TMEM59: variants seen among roughly 807,000 people sequenced by gnomAD.
TMEM59 encodes the protein dendritic cell factor 1.
In TMEM59, 44 loss-of-function variants were observed where a neutral mutation model predicts 42.2. That is an observed-to-expected ratio of 1.04 (90% CI 0.82 to 1.34). The LOEUF (loss-of-function observed/expected upper bound fraction) is 1.34. Ranked by LOEUF, TMEM59 falls within the 40% of genes most tolerant of loss-of-function variation. TMEM59 has a pLI of 0.00. For missense variants in TMEM59, 359 were observed against 382.8 expected (o/e 0.94, Z 0.52); for synonymous variants, 148 against 145.8 (o/e 1.02, Z -0.11).
chr1:54,047,156 G>C, intron 2 of TMEM59, 111 bp downstream of exon 2: 1 of 799,374 alleles, frequency 1.3e-6, no homozygotes, highest in Non-Finnish European at 1.9e-6. Context: ...CAATATGTTA[G>C]ATGACTAGTT....
chr1:54,034,312 T>G (rs961129376), intron 7 of TMEM59: 1 of 152,082 alleles, frequency 6.6e-6, no homozygotes, highest in Non-Finnish European at 1.5e-5. Flanking sequence ...ACTAAGAGTA[T>G]AGATTTTCTT....
At chr1:54,043,249 A>G in intron 4 of TMEM59, 124 bp downstream of exon 4, 2 of 900,040 alleles carry the variant, frequency 2.2e-6, no homozygotes, top group Non-Finnish European at 3.0e-6. Context: ...CCAAATAAGT[A>G]ATTATTATTT....
At chr1:54,035,037 A>C (rs1656901004) in intron 7 of TMEM59, among the ~76,000 whole-genome samples, 1 of 152,224 alleles carries the variant, frequency 6.6e-6, no homozygotes, top group African/African-American at 2.4e-5. Context: ...AGGACACAAC[A>C]TTTCAGTTAG....
Position 54,030,083 on chromosome 1 carries a change from A to G in TMEM59, c.*2067T>C, listed in dbSNP as rs952909772. On this transcript the variant is annotated 3_prime_UTR_variant, in exon 8 of 8. Transcript: ENST00000234831. ...TATCTCAGGCACTTCTCATTCAGGA[A>G]GCGAAGAGAAATGAAACCAAGGGAA... The G allele has an allele frequency of 1.3e-5, 2 of 152,082 alleles. No individual in the cohort carries two copies. Among genetic ancestry groups the G allele is most frequent in the African/African-American group, 2.4e-5 (1 of 41,410 alleles). 9.4% of individuals were successfully genotyped at this position (152,082 alleles called of 1,614,324 possible).
intron 7 of TMEM59, among the ~76,000 whole-genome samples, chr1:54,032,745 G>A (rs1267790182): frequency 2.0e-5 from 3 of 152,128 alleles, no homozygotes; most frequent in African/African-American, 7.2e-5. Flanking sequence ...TGATAGAAGG[G>A]TCTTCATAAA....
rs1656711989 is a variant in TMEM59 at position 54,029,938 on chromosome 1, A to G, written c.*2212T>C. 6.6e-6 allele frequency: 1 copy of G among 152,160 alleles called. No individual in the cohort carries two copies. Among genetic ancestry groups the G allele is most frequent in the Non-Finnish European group, 1.5e-5 (1 of 68,026 alleles). The allele number at this position is 152,160 out of a possible 1,614,324, so 9.4% of individuals were successfully genotyped here. A position where few individuals can be genotyped will look rare whatever the true frequency, so the allele number is the denominator to read the frequency against. ...AATTATGCTAAAAAAGAGGAGACAA[A>G]TATTTGAGTGCCTGCTAAATATCAA... On this transcript the variant is annotated 3_prime_UTR_variant, in exon 8 of 8. Transcript: ENST00000234831.
rs1193595098 is a variant in TMEM59 at position 54,030,333 on chromosome 1, T to A, written c.*1817A>T. ...GTTTGCTTCATTGGATGCATTACAA[T>A]TAAACCTGTGCCTGACTAAGGAAAC... On this transcript the variant is annotated 3_prime_UTR_variant, in exon 8 of 8. Transcript: ENST00000234831. 2.6e-5 allele frequency: 4 copies of A among 152,192 alleles called. No individual in the cohort carries two copies. Among genetic ancestry groups the A allele is most frequent in the African/African-American group, 9.7e-5 (4 of 41,442 alleles). The allele number at this position is 152,192 out of a possible 1,614,324, so 9.4% of individuals were successfully genotyped here.
rs1033430024 is a variant in TMEM59, at chr1:54,027,207, T to C, written c.*4943A>G. 2.0e-5 allele frequency: 3 copies of C among 152,228 alleles called. No homozygotes were observed. The highest frequency in any genetic ancestry group is 7.2e-5 in the African/African-American group (3 of 41,456). The allele number at this position is 152,228 out of a possible 1,614,324, so 9.4% of individuals were successfully genotyped here. On this transcript the variant is annotated 3_prime_UTR_variant, in exon 8 of 8. Transcript: ENST00000234831. Reference sequence around the variant, plus strand: ...TACAGTTGTTAGATATTTCAAGATATGAATTTGAATTATAGTAATTTTAGA... The same window carrying C: ...TACAGTTGTTAGATATTTCAAGATACGAATTTGAATTATAGTAATTTTAGA...
rs974248231 is a variant in TMEM59 at position 54,026,776 on chromosome 1, A to G, written c.*5374T>C. 2.0e-5 allele frequency: 3 copies of G among 152,094 alleles called. No individual in the cohort carries two copies. Among genetic ancestry groups the G allele is most frequent in the Non-Finnish European group, 4.4e-5 (3 of 67,962 alleles). The allele number at this position is 152,094 out of a possible 1,614,324, so 9.4% of individuals were successfully genotyped here. A position where few individuals can be genotyped will look rare whatever the true frequency, so the allele number is the denominator to read the frequency against. ...TTGTAGCACCAATAATGGTGGCATG[A>G]TGGTACACCTGGAGGTAACATTATC... On this transcript the variant is annotated 3_prime_UTR_variant, in exon 8 of 8. Transcript: ENST00000234831.
In TMEM59 at chr1:54,045,765, T is replaced by C; in HGVS notation, c.317A>G (p.Gln106Arg). 1 of 1,613,936 alleles carries C rather than the reference T, an allele frequency of 6.2e-7. No individual in the cohort carries two copies. The highest frequency in any genetic ancestry group is 1.1e-5 in the South Asian group (1 of 91,066). ...CESACTEAYSQSDEQYACHLG... is the reference protein window; with the variant it reads ...CESACTEAYSRSDEQYACHLG... ...ATGGCAAGCATATTGCTCATCAGAT[T>C]GGGAATATGCTTCTGTACATGCTGT... is the stretch of plus-strand genomic sequence containing the variant. Residue 106 changes from glutamine (Q) to arginine (R), a missense_variant, in exon 3 of 8, where the codon CAA becomes CGA. Transcript: ENST00000234831.
In TMEM59 at chr1:54,029,578, A is replaced by G. The variant is rs1259982297; in HGVS notation, c.*2572T>C. The stretch of plus-strand genomic sequence containing the variant: ...AGGGCAAAACTGTTACTTTAGGAGA[A>G]GGGGCTTGGAAGCTCAGTTTTGTTG... On this transcript the variant is annotated 3_prime_UTR_variant, in exon 8 of 8. Transcript: ENST00000234831. 1.3e-5 allele frequency: 2 copies of G among 152,190 alleles called. No individual in the cohort carries two copies. The highest frequency in any genetic ancestry group is 3.8e-4 in the East Asian group (2 of 5,198). 9.4% of individuals were successfully genotyped at this position (152,190 alleles called of 1,614,324 possible). A position where few individuals can be genotyped will look rare whatever the true frequency, so the allele number is the denominator to read the frequency against.
In TMEM59 at chr1:54,053,071, A is replaced by C; in HGVS notation, c.118T>G (p.Ser40Ala). The change falls in exon 1 of 8, where the codon TCG (serine) becomes GCG (alanine). Residue 40 changes from serine (S) to alanine (A), a missense_variant. By Grantham distance (99) the Ser-to-Ala change is moderately conservative. Transcript: ENST00000234831. ...CAAGACGCCGTATCACCCAAGACCGAGTCAAATGCTTCAGCCGAAGCGGTC... is the reference window on the plus strand; with the variant it reads ...CAAGACGCCGTATCACCCAAGACCGCGTCAAATGCTTCAGCCGAAGCGGTC... ...SGTASAEAFD[S>A]VLGDTASCHR... The C allele has an allele frequency of 3.1e-6, 5 of 1,614,192 alleles. No homozygotes were observed. Among genetic ancestry groups the C allele is most frequent in the Non-Finnish European group, 4.2e-6 (5 of 1,180,030 alleles).
intron 1 of TMEM59, among the ~76,000 whole-genome samples, chr1:54,051,406 G>C (rs991019338): frequency 6.6e-6 from 1 of 152,144 alleles, no homozygotes; most frequent in Admixed American, 6.5e-5. Context: ...AGGACCTATA[G>C]GGAGCCAGAT....
chr1:54,028,745 C>A lies in TMEM59; in HGVS notation c.*3405G>T, dbSNP rs1656678450. ...TAATGCATACAGCTCCTCCTATGTGCTCTGTGCTTGGTCATAGCACTTATC... is the reference window on the plus strand; with the variant it reads ...TAATGCATACAGCTCCTCCTATGTGATCTGTGCTTGGTCATAGCACTTATC... On this transcript the variant is annotated 3_prime_UTR_variant, in exon 8 of 8. Transcript: ENST00000234831. 6.6e-6 allele frequency: 1 copy of A among 152,228 alleles called. No homozygotes were observed. The highest frequency in any genetic ancestry group is 2.1e-4 in the South Asian group (1 of 4,820). 9.4% of individuals were successfully genotyped at this position (152,228 alleles called of 1,614,324 possible).
chr1:54,042,891 T>C (rs72664129), intron 4 of TMEM59, among the ~76,000 whole-genome samples: 1,744 of 152,300 alleles, frequency 0.011, 12 homozygotes, highest in Non-Finnish European at 0.018. Context: ...TAACAGTTAT[T>C]ATCATGTGGT....
At chr1:54,048,304 CA>C (rs943827899) in intron 1 of TMEM59, among the ~76,000 whole-genome samples, 1 of 152,128 alleles carries the variant, frequency 6.6e-6, no homozygotes, top group African/African-American at 2.4e-5. Context: ...TGGGTGAGTG[CA>C]TAAGTTATTT....
intron 2 of TMEM59, among the ~76,000 whole-genome samples, chr1:54,046,623 G>C (rs768615397): frequency 6.6e-6 from 1 of 152,238 alleles, no homozygotes; most frequent in Non-Finnish European, 1.5e-5. Context: ...TGATATCAAA[G>C]AAGACTGTAT....
Position 54,043,367 on chromosome 1 carries a change from T to C in TMEM59, c.543+6A>G. ...TTTAGATGAATCCATGAAGCTCAGTTGTCACCTGGAATATAACTATTTTTC... is the reference window on the plus strand; with the variant it reads ...TTTAGATGAATCCATGAAGCTCAGTCGTCACCTGGAATATAACTATTTTTC... On this transcript the variant is annotated splice_donor_region_variant and intron_variant, in intron 4 of 7. Transcript: ENST00000234831. 1 of 1,530,900 alleles carries C rather than the reference T, an allele frequency of 6.5e-7. No homozygotes were observed. Among genetic ancestry groups the C allele is most frequent in the South Asian group, 1.3e-5 (1 of 76,392 alleles). The allele number at this position is 1,530,900 out of a possible 1,614,324, so 94.8% of individuals were successfully genotyped here.
intron 2 of TMEM59, among the ~76,000 whole-genome samples, chr1:54,046,227 AAT>A (rs1171638652): frequency 6.6e-6 from 1 of 152,248 alleles, no homozygotes; most frequent in East Asian, 1.9e-4. Context: ...TGAATGAAAT[AAT>A]ATATTTTAAT....
Sources: allele counts gnomAD v4.1 joint callset (sites outside exome capture counted in the v4.1 genomes callset), GRCh38; gene constraint gnomAD v4.1.1; transcripts MANE v1.5; gene names NCBI Gene and HGNC (gene_info 2026-07-23, HGNC 2026-07-21).